The following TTLL1 variants were observed in gnomAD, a reference collection of about 807,000 sequenced individuals.
TTLL1 encodes TTL family tubulin polyglutamylase complex subunit L1.
TTLL1 carries 33 observed loss-of-function variants against 47.8 expected under a neutral mutation model. The observed-to-expected ratio is 0.69, with a 90% CI of 0.52 to 0.92. The LOEUF is 0.92. Ranked by LOEUF, TTLL1 falls within the 40% of genes least tolerant of loss-of-function variation. The pLI, the probability that TTLL1 is intolerant of heterozygous loss-of-function variation, is 0.00. For missense variants in TTLL1, 488 were observed against 547.5 expected (o/e 0.89, Z 1.08); for synonymous variants, 225 against 214.1 (o/e 1.05, Z -0.45).
chr22:43,042,875 G>C lies in TTLL1; in HGVS notation c.1143-2970C>G, dbSNP rs368008001. ...CAGGAGAGGACGGCTGGATCAGGGA[G>C]GGGGGTTCACCTTGTTGTCTCTTCA... On this transcript the variant is annotated intron_variant, in intron 10 of 10. Coordinates refer to ENST00000266254, the MANE Select transcript of TTLL1 (RefSeq NM_012263.5). 3.9e-5 allele frequency among the ~76,000 whole-genome samples: 6 copies of C among 152,220 alleles called. No individual in the cohort carries two copies. In the East Asian group the frequency reaches 5.8e-4, roughly 15 times the overall value.
intron 1 of TTLL1, among the ~76,000 whole-genome samples, chr22:43,082,603 C>T (rs1928970448): frequency 6.6e-6 from 1 of 152,056 alleles, no homozygotes; most frequent in Non-Finnish European, 1.5e-5. Flanking sequence ...GTGATCCCAG[C>T]TACTCAGGAG....
At chr22:43,074,625 G>C (rs1486836312) in intron 3 of TTLL1, among the ~76,000 whole-genome samples, 1 of 151,998 alleles carries the variant, frequency 6.6e-6, no homozygotes, top group African/African-American at 2.4e-5. Flanking sequence ...AAGATCACTT[G>C]AGTCCAGGAG....
chr22:43,045,536 CCTGACCTCAG>C (rs1234317604), intron 10 of TTLL1, among the ~76,000 whole-genome samples: 18 of 141,096 alleles, frequency 1.3e-4, no homozygotes, highest in African/African-American at 4.6e-4. Context: ...GTCTCGAACT[CCTGACCTCAG>C]GTGATCTGCC....
At chr22:43,043,324 C>T (rs1925849818) in intron 10 of TTLL1, among the ~76,000 whole-genome samples, 2 of 152,216 alleles carry the variant, frequency 1.3e-5, no homozygotes, top group South Asian at 2.1e-4. Context: ...AGAGGCTCTA[C>T]ACGCTCCCAA....
chr22:43,070,883 C>G (rs1928074110), intron 3 of TTLL1, among the ~76,000 whole-genome samples: 1 of 152,080 alleles, frequency 6.6e-6, no homozygotes, highest in Non-Finnish European at 1.5e-5. Context: ...ATATAATTAT[C>G]AGAACTAAAA....
At chr22:43,081,554 T>A (rs1046617983) in intron 1 of TTLL1, among the ~76,000 whole-genome samples, 1 of 152,022 alleles carries the variant, frequency 6.6e-6, no homozygotes, top group Non-Finnish European at 1.5e-5. Context: ...TGTATTTTAT[T>A]TTTTTATTTT....
At chr22:43,059,151 G>A (rs757068273) in intron 8 of TTLL1, among the ~76,000 whole-genome samples, 34 of 151,580 alleles carry the variant, frequency 2.2e-4, no homozygotes, top group Non-Finnish European at 2.8e-4. Flanking sequence ...CACCATGCCC[G>A]GCTAATTTTT....
intron 10 of TTLL1, among the ~76,000 whole-genome samples, chr22:43,041,489 CTG>C: frequency 6.6e-6 from 1 of 150,986 alleles, no homozygotes; most frequent in East Asian, 2.0e-4. Context: ...TGGTGGCAAA[CTG>C]GGACTGAAAG....
chr22:43,080,857 A>C (rs1319245877), intron 1 of TTLL1, among the ~76,000 whole-genome samples: 1 of 136,808 alleles, frequency 7.3e-6, no homozygotes, highest in Non-Finnish European at 1.5e-5. Context: ...TTCTATAAAC[A>C]CAGGAGGGTG....
intron 7 of TTLL1, among the ~76,000 whole-genome samples, chr22:43,060,793 T>G (rs1264907345): frequency 6.6e-6 from 1 of 152,204 alleles, no homozygotes; most frequent in Admixed American, 6.6e-5. Flanking sequence ...GAGACTACAT[T>G]TCATTTTCTA....
At position 43,069,831 on chromosome 22, in the gene TTLL1, T is replaced by C. The variant is rs1443339245; in HGVS notation, c.127A>G (p.Thr43Ala). Residue 43 changes from threonine to alanine, a missense_variant, in exon 4 of 11, where the codon ACC becomes GCC. Transcript: ENST00000266254. ...TCAACGCTGAACACATTTCGGATGGTTTGCACACTCATCCTGAAAGAGATG... is the reference window on the plus strand; with the variant it reads ...TCAACGCTGAACACATTTCGGATGGCTTGCACACTCATCCTGAAAGAGATG... ...DWNFYWMSVQ[T>A]IRNVFSVEAG... 1 of 1,614,144 alleles carries C rather than the reference T, an allele frequency of 6.2e-7. No homozygotes were observed. Among genetic ancestry groups the C allele is most frequent in the Non-Finnish European group, 8.5e-7 (1 of 1,180,032 alleles).
chr22:43,053,631 C>A (rs551374131), intron 8 of TTLL1, among the ~76,000 whole-genome samples: 1 of 152,326 alleles, frequency 6.6e-6, no homozygotes, highest in African/African-American at 2.4e-5. Flanking sequence ...CCAGGCCCCT[C>A]CCATGTGCCT....
At chr22:43,084,323 T>C (rs765512791) in intron 1 of TTLL1, among the ~76,000 whole-genome samples, 2 of 151,552 alleles carry the variant, frequency 1.3e-5, no homozygotes, top group African/African-American at 2.4e-5. Flanking sequence ...GCTAATTGTG[T>C]ATTTTTAGTA....
At chr22:43,052,419 G>A (rs1926704095) in intron 8 of TTLL1, 1 of 164,910 alleles carries the variant, frequency 6.1e-6, no homozygotes, top group Middle Eastern at 3.0e-3. Flanking sequence ...ATACACCTTA[G>A]ATTAACTGTT....
intron 8 of TTLL1, 96 bp downstream of exon 8, chr22:43,059,288 A>T: frequency 6.7e-7 from 1 of 1,489,914 alleles, no homozygotes; most frequent in Non-Finnish European, 9.0e-7. Flanking sequence ...GCCGCCGCGC[A>T]CAGCTGAAAA....
intron 8 of TTLL1, among the ~76,000 whole-genome samples, chr22:43,056,303 G>A (rs1243365286): frequency 1.3e-5 from 2 of 148,820 alleles, no homozygotes; most frequent in East Asian, 4.0e-4. Context: ...AGGTTGCAGT[G>A]AGCCGAGATC....
At chr22:43,065,737 C>T (rs1032727932) in intron 5 of TTLL1, among the ~76,000 whole-genome samples, 2 of 152,068 alleles carry the variant, frequency 1.3e-5, no homozygotes, top group African/African-American at 4.8e-5. Flanking sequence ...CCACGACACC[C>T]AGCTAATCAG....
At chr22:43,074,583 G>A (rs552384343) in intron 3 of TTLL1, among the ~76,000 whole-genome samples, 53 of 152,224 alleles carry the variant, frequency 3.5e-4, no homozygotes, top group Non-Finnish European at 5.4e-4. Context: ...GCTCACGCCT[G>A]TAATCCCAAC....
At chr22:43,059,841 C>CACT (rs1220452578) in intron 7 of TTLL1, among the ~76,000 whole-genome samples, 1 of 152,078 alleles carries the variant, frequency 6.6e-6, no homozygotes, top group African/African-American at 2.4e-5. Context: ...AGGCATGTGC[C>CACT]ACTATGCCTG....
Sources: gnomAD v4.1 joint callset for allele counts (sites outside exome capture counted in the v4.1 genomes callset) on GRCh38, gnomAD v4.1.1 for gene constraint, MANE v1.5 for transcripts, NCBI Gene and HGNC (gene_info 2026-07-23, HGNC 2026-07-21) for gene names.